TMEM132B: variants seen among roughly 807,000 people sequenced by gnomAD.
TMEM132B encodes the protein transmembrane protein 132B.
A neutral mutation model predicts 90.8 loss-of-function variants in TMEM132B; 18 were observed. The ratio of observed to expected loss-of-function variants is 0.20; its 90% CI spans 0.14 to 0.29. The LOEUF (loss-of-function observed/expected upper bound fraction) is 0.29, where lower values mean the gene tolerates loss of function less well. Among genes scored for constraint, TMEM132B ranks in the 10% least tolerant of loss-of-function variants. TMEM132B has a pLI of 1.00. For synonymous variants in TMEM132B, 504 were observed against 523.3 expected (o/e 0.96, Z 0.50); for missense variants, 1,096 against 1,326.8 (o/e 0.83, Z 2.70).
At position 125,367,933 on chromosome 12, in the gene TMEM132B, TTAATC is replaced by T. The variant is rs544283076; in HGVS notation, c.959+17593_959+17597del. Among the ~76,000 whole-genome samples, 745 of 152,300 alleles carry T rather than the reference TTAATC, an allele frequency of 4.9e-3. 2 individuals carry two copies. The highest frequency in any genetic ancestry group is 8.0e-3 in the Non-Finnish European group (542 of 68,034). Reference sequence around the variant, plus strand: ...TTTTTCTTTATTCCTTCTTTCTTGATTAATCTATTGTGTTATCAAATATTAGTATT... The same window carrying T: ...TTTTTCTTTATTCCTTCTTTCTTGATTATTGTGTTATCAAATATTAGTATT... On this transcript the variant is annotated intron_variant, in intron 2 of 8. Coordinates refer to ENST00000682704, the MANE Select transcript of TMEM132B (RefSeq NM_001366854.1).
chr12:125,622,224 C>A (rs1886128878), intron 5 of TMEM132B, among the ~76,000 whole-genome samples: 1 of 152,074 alleles, frequency 6.6e-6, no homozygotes, highest in African/African-American at 2.4e-5. Context: ...GCCAATTGTG[C>A]TGAAAAATAT....
At chr12:125,244,073 G>A (rs768323858) in intron 1 of TMEM132B, among the ~76,000 whole-genome samples, 6 of 152,258 alleles carry the variant, frequency 3.9e-5, no homozygotes, top group South Asian at 2.1e-4. Context: ...GTTCACCCAC[G>A]TTGTAGCCTG....
intron 4 of TMEM132B, among the ~76,000 whole-genome samples, chr12:125,551,504 A>G (rs1022919924): frequency 5.3e-5 from 8 of 152,152 alleles, no homozygotes; most frequent in Non-Finnish European, 1.0e-4. Context: ...ATAGACAGTC[A>G]TAAAGAAGAA....
chr12:125,479,279 A>G (rs1881975302), intron 3 of TMEM132B, among the ~76,000 whole-genome samples: 1 of 152,228 alleles, frequency 6.6e-6, no homozygotes, highest in Non-Finnish European at 1.5e-5. Context: ...CTTATATGTA[A>G]ATGGACTAAA....
Position 125,490,144 on chromosome 12 carries a change from A to T in TMEM132B, c.1107-29295A>T, listed in dbSNP as rs1882309065. On this transcript the variant is annotated intron_variant, in intron 3 of 8. Coordinates refer to ENST00000682704, the MANE Select transcript of TMEM132B (RefSeq NM_001366854.1). This position sits in a 1 kb window ranked among gnomAD's most constrained non-coding sequence, Gnocchi z 4.2. ...TTTTCCTTGCCTCTTAGTAGTAACTAAAATACTAACGACATTAAGTTGAAT... is the reference window on the plus strand; with the variant it reads ...TTTTCCTTGCCTCTTAGTAGTAACTTAAATACTAACGACATTAAGTTGAAT... Among the ~76,000 whole-genome samples the T allele has an allele frequency of 6.6e-6, 1 of 152,242 alleles. No homozygotes were observed.
chr12:125,243,032 T>TAC (rs765539161), intron 1 of TMEM132B, among the ~76,000 whole-genome samples: 1,433 of 134,976 alleles, frequency 0.011, 37 homozygotes, highest in African/African-American at 0.035. Context: ...TATATATATA[T>TAC]ACACACACAC....
rs1403023087 is a variant in TMEM132B at position 125,460,661 on chromosome 12, C to G, written c.1106+44984C>G. Among the ~76,000 whole-genome samples the G allele has an allele frequency of 6.6e-6, 1 of 152,144 alleles. No homozygotes were observed. The highest frequency in any genetic ancestry group is 1.5e-5 in the Non-Finnish European group (1 of 68,032). ...CTTTTCATTGTTCTCAGCCCATAGA[C>G]CAGAGTCAAAGGATGAAATAAAACA... On this transcript the variant is annotated intron_variant, in intron 3 of 8. Coordinates refer to ENST00000682704, the MANE Select transcript of TMEM132B (RefSeq NM_001366854.1). This position sits in a 1 kb window ranked among gnomAD's most constrained non-coding sequence, Gnocchi z 4.4.
chr12:125,334,924 G>A (rs7132335), intron 1 of TMEM132B, among the ~76,000 whole-genome samples: 79,075 of 152,114 alleles, frequency 0.52, 22,117 homozygotes, highest in African/African-American at 0.73. Flanking sequence ...CCTTCTGAGC[G>A]TGCGGCCCTG....
intron 2 of TMEM132B, among the ~76,000 whole-genome samples, chr12:125,388,776 G>A (rs1367317387): frequency 1.3e-5 from 2 of 152,154 alleles, no homozygotes; most frequent in African/African-American, 2.4e-5. Flanking sequence ...CTCGTCTTCT[G>A]GCTCCTGCCC....
chr12:125,511,972 C>T (rs1199602443), intron 3 of TMEM132B, among the ~76,000 whole-genome samples: 3 of 152,068 alleles, frequency 2.0e-5, no homozygotes, highest in Non-Finnish European at 4.4e-5. Flanking sequence ...CAAGTCCAGC[C>T]CATGGCTAGA....
intron 1 of TMEM132B, among the ~76,000 whole-genome samples, chr12:125,345,703 T>G (rs932594794): frequency 1.1e-4 from 17 of 152,170 alleles, no homozygotes; most frequent in Non-Finnish European, 2.1e-4. Flanking sequence ...TTGACTCTCT[T>G]CTTGGCTCAT....
intron 1 of TMEM132B, among the ~76,000 whole-genome samples, chr12:125,289,320 C>T (rs979165483): frequency 6.6e-6 from 1 of 152,180 alleles, no homozygotes; most frequent in Non-Finnish European, 1.5e-5. Context: ...ATTTCAAAAG[C>T]GGTGGCACAA....
At chr12:125,508,630 A>G (rs1458019935) in intron 3 of TMEM132B, among the ~76,000 whole-genome samples, 3 of 152,158 alleles carry the variant, frequency 2.0e-5, no homozygotes, top group Admixed American at 1.3e-4. Flanking sequence ...CAACTTGCCT[A>G]TTAGGCATGT....
intron 2 of TMEM132B, among the ~76,000 whole-genome samples, chr12:125,353,149 A>G (rs1260681289): frequency 6.6e-6 from 1 of 152,018 alleles, no homozygotes; most frequent in African/African-American, 2.4e-5. Flanking sequence ...CTACCATGGC[A>G]GACATTACCA....
intron 2 of TMEM132B, among the ~76,000 whole-genome samples, chr12:125,350,681 T>C (rs953267938): frequency 6.6e-6 from 1 of 152,110 alleles, no homozygotes; most frequent in African/African-American, 2.4e-5. Flanking sequence ...GTTATCAAAG[T>C]TAGGATTTTA....
chr12:125,578,415 C>T (rs1418327980), intron 4 of TMEM132B, among the ~76,000 whole-genome samples: 1 of 152,156 alleles, frequency 6.6e-6, no homozygotes. Context: ...CATGAACAAA[C>T]ATCTATAATT....
At chr12:125,584,156 T>C (rs1885122786) in intron 5 of TMEM132B, 162 bp downstream of exon 5, 3 of 992,582 alleles carry the variant, frequency 3.0e-6, no homozygotes, top group Non-Finnish European at 4.6e-6. Context: ...AGAGACTCCC[T>C]GGAATCAGCA....
At chr12:125,564,354 C>T (rs933760215) in intron 4 of TMEM132B, among the ~76,000 whole-genome samples, 13 of 97,166 alleles carry the variant, frequency 1.3e-4, no homozygotes, top group Non-Finnish European at 3.4e-4. Context: ...TTGGTGCGTT[C>T]AGTGTGAAAA....
chr12:125,516,312 T>C (rs1883163035), intron 3 of TMEM132B, among the ~76,000 whole-genome samples: 1 of 152,232 alleles, frequency 6.6e-6, no homozygotes, highest in African/African-American at 2.4e-5. Context: ...CATGAAACAC[T>C]TCTTGATATT....
Sources: allele counts gnomAD v4.1 joint callset (sites outside exome capture counted in the v4.1 genomes callset), GRCh38; gene constraint gnomAD v4.1.1; non-coding constraint Gnocchi (gnomAD v3.1); transcripts MANE v1.5; gene names NCBI Gene and HGNC (gene_info 2026-07-23, HGNC 2026-07-21).